Variants in SV2C observed in about 807,000 individuals in gnomAD.
SV2C encodes synaptic vesicle glycoprotein 2C, also known as solute carrier family 22 member B3.
Under a neutral mutation model 79.7 loss-of-function variants are expected in SV2C, and 49 were observed. The observed-to-expected ratio is 0.61, with a 90% CI of 0.49 to 0.78. The LOEUF (loss-of-function observed/expected upper bound fraction) is 0.78, where lower values mean the gene tolerates loss of function less well. Ranked by LOEUF, SV2C falls within the 30% of genes least tolerant of loss-of-function variation. The pLI is 0.00. For synonymous variants in SV2C, 334 were observed against 333.2 expected, an observed-to-expected ratio of 1.00 and a Z score of -0.03; for missense variants, 833 against 912.9, an observed-to-expected ratio of 0.91 and a Z score of 1.13.
At chr5:76,253,162 A>T (rs535352232) in intron 4 of SV2C, among the ~76,000 whole-genome samples, 1 of 152,388 alleles carries the variant, frequency 6.6e-6, no homozygotes, top group East Asian at 1.9e-4. Context: ...AAAAAGCATG[A>T]TTCATGCCTA....
the SV2C span, among the ~76,000 whole-genome samples, chr5:75,885,475 T>A: frequency 6.6e-6 from 1 of 152,176 alleles, no homozygotes; most frequent in African/African-American, 2.4e-5. Flanking sequence ...GTTTCTCAGC[T>A]GTGACGCAAA....
chr5:76,272,477 C>T (rs61517361), intron 4 of SV2C, among the ~76,000 whole-genome samples: 1,877 of 152,242 alleles, frequency 0.012, 36 homozygotes, highest in African/African-American at 0.043. Flanking sequence ...TGGGTTTTTA[C>T]GGACAGCTAC....
At chr5:75,968,236 C>G in the SV2C span, among the ~76,000 whole-genome samples, 4 of 152,128 alleles carry the variant, frequency 2.6e-5, no homozygotes, top group Non-Finnish European at 4.4e-5. Flanking sequence ...AAAAACAGAG[C>G]AGAAAAACCG....
At chr5:76,221,935 G>A (rs1220152552) in intron 4 of SV2C, among the ~76,000 whole-genome samples, 1 of 152,212 alleles carries the variant, frequency 6.6e-6, no homozygotes, top group African/African-American at 2.4e-5. Context: ...AGCTGTTGAT[G>A]TTGGGGTTTG....
the SV2C span, among the ~76,000 whole-genome samples, chr5:76,041,181 T>C: frequency 6.6e-6 from 1 of 152,164 alleles, no homozygotes; most frequent in South Asian, 2.1e-4. Context: ...ATTTTAAAAT[T>C]ATAAATCAAG....
At chr5:75,893,555 C>CAT in the SV2C span, among the ~76,000 whole-genome samples, 2 of 151,976 alleles carry the variant, frequency 1.3e-5, no homozygotes, top group African/African-American at 4.8e-5. Flanking sequence ...TACTCATGGA[C>CAT]ATAAAGATGG....
chr5:76,261,353 AGGG>A (rs1746461568), intron 4 of SV2C, among the ~76,000 whole-genome samples: 1 of 152,234 alleles, frequency 6.6e-6, no homozygotes, highest in East Asian at 1.9e-4. Flanking sequence ...CTGAGACGAT[AGGG>A]TTTTCTAAAT....
chr5:75,901,871 T>G, the SV2C span, among the ~76,000 whole-genome samples: 1 of 152,224 alleles, frequency 6.6e-6, no homozygotes, highest in South Asian at 2.1e-4. Context: ...TGAGACTCCG[T>G]GGGCATAGGA....
At chr5:76,138,268 A>G (rs1279491748) in intron 2 of SV2C, among the ~76,000 whole-genome samples, 1 of 152,098 alleles carries the variant, frequency 6.6e-6, no homozygotes, top group African/African-American at 2.4e-5. Flanking sequence ...ACATATACCA[A>G]CTCTTAGTCC....
the SV2C span, among the ~76,000 whole-genome samples, chr5:76,042,314 G>A: frequency 4.6e-5 from 7 of 152,182 alleles, no homozygotes; most frequent in African/African-American, 1.4e-4. Flanking sequence ...ACTGCAGCAA[G>A]TTACTCAAAC....
chr5:76,175,784 A>G (rs936719881), intron 2 of SV2C, among the ~76,000 whole-genome samples: 4 of 152,336 alleles, frequency 2.6e-5, no homozygotes, highest in Admixed American at 1.3e-4. Context: ...CAAGGGTTTA[A>G]CAAGTCAGAG....
intron 4 of SV2C, among the ~76,000 whole-genome samples, chr5:76,252,900 G>T (rs1460714150): frequency 6.6e-6 from 1 of 151,836 alleles, no homozygotes; most frequent in Non-Finnish European, 1.5e-5. Context: ...AGCCAATTGG[G>T]GAAAAAACCC....
At chr5:75,874,558 C>T in the SV2C span, among the ~76,000 whole-genome samples, 1 of 152,088 alleles carries the variant, frequency 6.6e-6, no homozygotes. Context: ...CCAGCCAGAG[C>T]AATCAGGCAA....
the SV2C span, among the ~76,000 whole-genome samples, chr5:75,908,772 A>G: frequency 1.3e-5 from 2 of 152,162 alleles, no homozygotes; most frequent in African/African-American, 4.8e-5. Context: ...CTGTAGATTT[A>G]TCATTGTCAG....
At chr5:75,939,250 G>A in the SV2C span, among the ~76,000 whole-genome samples, 1 of 152,138 alleles carries the variant, frequency 6.6e-6, no homozygotes, top group South Asian at 2.1e-4. Flanking sequence ...ATTTCTCATA[G>A]TTCTGGAGGC....
At chr5:76,140,892 G>T (rs1006633392) in intron 2 of SV2C, among the ~76,000 whole-genome samples, 2 of 152,130 alleles carry the variant, frequency 1.3e-5, no homozygotes, top group African/African-American at 4.8e-5. Context: ...CTCTGTCTCT[G>T]TTTAGCCTCT....
chr5:76,285,989 G>C, intron 6 of SV2C, 119 bp downstream of exon 6: 2 of 799,310 alleles, frequency 2.5e-6, no homozygotes, highest in Admixed American at 5.8e-5. Context: ...CAGCTACTCA[G>C]CTCTGCCATT....
At chr5:75,920,659 A>G in the SV2C span, 1 of 659,130 alleles carries the variant, frequency 1.5e-6, no homozygotes, top group Non-Finnish European at 2.8e-6. Context: ...GGTGGGAGGA[A>G]CTGCCCTCAC....
chr5:76,248,524 G>T (rs1746015285), intron 4 of SV2C, among the ~76,000 whole-genome samples: 1 of 152,090 alleles, frequency 6.6e-6, no homozygotes, highest in African/African-American at 2.4e-5. Context: ...GGTACTGGGG[G>T]TTAGGGCTTC....
Sources: allele counts gnomAD v4.1 joint callset (sites outside exome capture counted in the v4.1 genomes callset), GRCh38; gene constraint gnomAD v4.1.1; transcripts MANE v1.5; gene names NCBI Gene and HGNC (gene_info 2026-07-23, HGNC 2026-07-21).